The following MRPL15 variants were observed in gnomAD, a reference collection of about 807,000 sequenced individuals.
MRPL15 encodes mitochondrial ribosomal protein L15.
Under a neutral mutation model 28.0 loss-of-function variants are expected in MRPL15, and 24 were observed. That is an observed-to-expected ratio of 0.86 (90% confidence interval 0.62 to 1.21). The LOEUF is 1.21. Among genes scored for constraint, MRPL15 ranks in the 50% most tolerant of loss-of-function variants. MRPL15 has a pLI of 0.00. For missense variants in MRPL15, 343 were observed against 372.4 expected, an observed-to-expected ratio of 0.92 and a Z score of 0.65; for synonymous variants, 124 against 137.0, an observed-to-expected ratio of 0.90 and a Z score of 0.66.
intron 2 of MRPL15, 51 bp downstream of exon 2, chr8:54,136,716 G>T: frequency 6.5e-7 from 1 of 1,543,178 alleles, no homozygotes; most frequent in Non-Finnish European, 8.8e-7. Flanking sequence ...CCATTAAAAA[G>T]CACCTAAAAA....
At chr8:54,138,947 T>C (rs1810873617) in intron 3 of MRPL15, among the ~76,000 whole-genome samples, 1 of 152,122 alleles carries the variant, frequency 6.6e-6, no homozygotes, top group Non-Finnish European at 1.5e-5. Flanking sequence ...CTGCCTTAGC[T>C]TCCCAAGTAG....
intron 4 of MRPL15, among the ~76,000 whole-genome samples, chr8:54,146,199 C>A (rs927189031): frequency 6.6e-6 from 1 of 152,238 alleles, no homozygotes; most frequent in African/African-American, 2.4e-5. Context: ...GTAATCCCAG[C>A]ACTTTGGGAG....
chr8:54,137,249 T>C lies in MRPL15; in HGVS notation c.264-19T>C, dbSNP rs368600534. On this transcript the variant is annotated intron_variant, in intron 2 of 4. Coordinates refer to ENST00000260102, the MANE Select transcript of MRPL15 (RefSeq NM_014175.4). The stretch of plus-strand genomic sequence containing the variant: ...CAGGAAGATGAGAGTTTTCCAACTC[T>C]TACATTCTTGTTTTACAGTTTCAGA... 6 of 1,605,128 alleles carry C rather than the reference T, an allele frequency of 3.7e-6. No individual in the cohort carries two copies. In the African/African-American group the frequency reaches 4.0e-5, roughly 11 times the overall value.
At chr8:54,137,221 T>G in intron 2 of MRPL15, 47 bp from the exon 3 acceptor site, 1 of 1,563,352 alleles carries the variant, frequency 6.4e-7, no homozygotes, top group East Asian at 2.2e-5. Flanking sequence ...TTTCGAGAAG[T>G]TACAGGAAGA....
intron 3 of MRPL15, among the ~76,000 whole-genome samples, chr8:54,140,500 T>C (rs1200204169): frequency 6.6e-6 from 1 of 151,512 alleles, no homozygotes; most frequent in East Asian, 1.9e-4. Context: ...AGACATCAAG[T>C]ACTCCGCCCT....
chr8:54,139,378 C>T (rs1252478058), intron 3 of MRPL15, among the ~76,000 whole-genome samples: 2 of 152,138 alleles, frequency 1.3e-5, no homozygotes, highest in Non-Finnish European at 2.9e-5. Context: ...TAGAGGGAAG[C>T]ATATATTTAT....
intron 4 of MRPL15, among the ~76,000 whole-genome samples, chr8:54,144,010 GCA>G: frequency 6.6e-6 from 1 of 152,322 alleles, no homozygotes; most frequent in East Asian, 1.9e-4. Flanking sequence ...ACGCACACAC[GCA>G]CAGTCACATC....
Position 54,136,590 on chromosome 8 carries a change from C to T in MRPL15, c.188C>T (p.Pro63Leu), listed in dbSNP as rs751035856. Residue 63 changes from proline (P) to leucine (L), a missense_variant, in exon 2 of 5, where the codon CCC becomes CTC. Transcript: ENST00000260102. ...HKGERQRGTR[P>L]RLGFEGGQTP... is the part of the protein sequence containing the mutation. ...GGAGAAAGGCAAAGAGGAACCCGGC[C>T]CCGCTTGGGCTTTGAGGGAGGCCAG... 2 of 1,614,184 alleles carry T rather than the reference C, an allele frequency of 1.2e-6. No individual in the cohort carries two copies. The highest frequency in any genetic ancestry group is 1.7e-6 in the Non-Finnish European group (2 of 1,180,024).
intron 3 of MRPL15, among the ~76,000 whole-genome samples, chr8:54,137,997 C>T (rs537642495): frequency 4.3e-4 from 66 of 152,062 alleles, no homozygotes; most frequent in African/African-American, 1.3e-3. Flanking sequence ...CTCTGTTGCC[C>T]AGGCTGGAGT....
intron 3 of MRPL15, among the ~76,000 whole-genome samples, chr8:54,138,639 TC>T (rs1447151848): frequency 1.3e-5 from 2 of 151,732 alleles, no homozygotes; most frequent in African/African-American, 4.8e-5. Context: ...TTTTTGAGAG[TC>T]TTTTTAAAAG....
Position 54,147,982 on chromosome 8 carries a change from T to C in MRPL15, c.*263T>C, listed in dbSNP as rs1284866753. 5.5e-6 allele frequency: 2 copies of C among 364,868 alleles called. No individual in the cohort carries two copies. Among genetic ancestry groups the C allele is most frequent in the South Asian group, 1.1e-4 (2 of 18,118 alleles). The allele number at this position is 364,868 out of a possible 1,614,324, so 22.6% of individuals were successfully genotyped here. On this transcript the variant is annotated 3_prime_UTR_variant, in exon 5 of 5. Transcript: ENST00000260102. ...GGAAAATGACAACTATTTTAGAATATTTCTAGTTTGTTTTTTCAGTGATCT... is the reference window on the plus strand; with the variant it reads ...GGAAAATGACAACTATTTTAGAATACTTCTAGTTTGTTTTTTCAGTGATCT...
intron 1 of MRPL15, 118 bp downstream of exon 1, chr8:54,135,509 A>T: frequency 1.5e-6 from 1 of 672,716 alleles, no homozygotes. Context: ...TGAAAATAGG[A>T]TTGCCTCATG....
chr8:54,139,063 G>A (rs1427513976), intron 3 of MRPL15, among the ~76,000 whole-genome samples: 1 of 151,868 alleles, frequency 6.6e-6, no homozygotes, highest in African/African-American at 2.4e-5. Context: ...GCAGTGGCAC[G>A]ATCTCGGCTC....
chr8:54,143,659 A>C (rs375656812), intron 4 of MRPL15, among the ~76,000 whole-genome samples: 9 of 152,106 alleles, frequency 5.9e-5, no homozygotes, highest in African/African-American at 2.2e-4. Context: ...GTTCCTTTTA[A>C]AGCATGGACT....
chr8:54,148,048 T>C lies in MRPL15; in HGVS notation c.*329T>C. On this transcript the variant is annotated 3_prime_UTR_variant, in exon 5 of 5. Coordinates refer to ENST00000260102, the MANE Select transcript of MRPL15 (RefSeq NM_014175.4). ...GTTACTGTTACAGATCAGAATGAAATGCACAAGTGGAATGGGATTGACCTG... is the reference window on the plus strand; with the variant it reads ...GTTACTGTTACAGATCAGAATGAAACGCACAAGTGGAATGGGATTGACCTG... 1 of 237,754 alleles carries C rather than the reference T, an allele frequency of 4.2e-6. No individual in the cohort carries two copies. The allele number at this position is 237,754 out of a possible 1,614,324, so 14.7% of individuals were successfully genotyped here.
At chr8:54,137,472 A>ATT in intron 3 of MRPL15, 39 bp downstream of exon 3, 4 of 1,352,066 alleles carry the variant, frequency 3.0e-6, no homozygotes, top group Non-Finnish European at 3.0e-6. Context: ...ATATAGGAGG[A>ATT]TTTTTTTTTT....
chr8:54,142,798 C>G lies in MRPL15; in HGVS notation c.553+12C>G, dbSNP rs780144116. ...TCCAAGAAGTCTGGGTAAGTTTGTTCCACGGTCATTTTCTTCTTTCTCTCT... is the reference window on the plus strand; with the variant it reads ...TCCAAGAAGTCTGGGTAAGTTTGTTGCACGGTCATTTTCTTCTTTCTCTCT... On this transcript the variant is annotated intron_variant, in intron 4 of 4. Transcript: ENST00000260102. The G allele has an allele frequency of 5.0e-6, 8 of 1,610,846 alleles. No individual in the cohort carries two copies. Among genetic ancestry groups the G allele is most frequent in the Non-Finnish European group, 5.9e-6 (7 of 1,179,258 alleles).
intron 1 of MRPL15, among the ~76,000 whole-genome samples, chr8:54,136,233 G>A (rs937055830): frequency 2.6e-5 from 4 of 151,470 alleles, no homozygotes; most frequent in Non-Finnish European, 5.9e-5. Flanking sequence ...GATTTTTTTC[G>A]GTTTCAACCT....
rs1321419152 is a variant in MRPL15, at chr8:54,136,680, CT to C, written c.263+20del. The C allele has an allele frequency of 6.2e-7, 1 of 1,603,980 alleles. No individual in the cohort carries two copies. Among genetic ancestry groups the C allele is most frequent in the South Asian group, 1.1e-5 (1 of 90,160 alleles). ...GAAGGACATAGGTAAGGTTGCTTTG[CT>C]TTTTAAAGTACAGGTCCCCAATTTC... On this transcript the variant is annotated intron_variant, in intron 2 of 4. Coordinates refer to ENST00000260102, the MANE Select transcript of MRPL15 (RefSeq NM_014175.4).
Sources: allele counts gnomAD v4.1 joint callset (sites outside exome capture counted in the v4.1 genomes callset), GRCh38; gene constraint gnomAD v4.1.1; transcripts MANE v1.5; gene names NCBI Gene and HGNC (gene_info 2026-07-23, HGNC 2026-07-21).